VCL: variants seen among roughly 807,000 people sequenced by gnomAD.
VCL encodes the protein epididymis luminal protein 114.
A neutral mutation model predicts 125.7 loss-of-function variants in VCL; 47 were observed. The observed-to-expected ratio is 0.37, with a 90% confidence interval of 0.30 to 0.48. The LOEUF is 0.48. Ranked by LOEUF, VCL falls within the 20% of genes least tolerant of loss-of-function variation. VCL has a pLI of 0.99. For synonymous variants in VCL, 458 were observed against 514.6 expected (o/e 0.89, Z 1.49); for missense variants, 1,069 against 1,455.5 (o/e 0.73, Z 4.32).
intron 1 of VCL, among the ~76,000 whole-genome samples, chr10:74,015,691 CT>C (rs575847807): frequency 1.2e-3 from 166 of 143,902 alleles, no homozygotes; most frequent in African/African-American, 1.0e-3. Flanking sequence ...CTTTCTTTTT[CT>C]TTTTTTTTTT....
intron 1 of VCL, among the ~76,000 whole-genome samples, chr10:74,025,313 G>A (rs191252671): frequency 1.3e-5 from 2 of 152,182 alleles, no homozygotes; most frequent in African/African-American, 4.8e-5. Context: ...ATGGTGCCTG[G>A]CCCCACTCTT....
intron 1 of VCL, among the ~76,000 whole-genome samples, chr10:74,039,839 T>C (rs1021234839): frequency 1.3e-5 from 2 of 152,188 alleles, no homozygotes; most frequent in Non-Finnish European, 2.9e-5. Context: ...CTGCCTCCTA[T>C]TGTACTGATA....
At chr10:74,025,504 C>T (rs538448839) in intron 1 of VCL, among the ~76,000 whole-genome samples, 1 of 151,692 alleles carries the variant, frequency 6.6e-6, no homozygotes, top group African/African-American at 2.4e-5. Flanking sequence ...GTTCCAGCTA[C>T]TCGGGAGGCT....
At position 74,090,095 on chromosome 10, in the gene VCL, A is replaced by G; in HGVS notation, c.1249A>G (p.Lys417Glu). The G allele has an allele frequency of 6.2e-7, 1 of 1,614,230 alleles. No individual in the cohort carries two copies. Among genetic ancestry groups the G allele is most frequent in the Non-Finnish European group, 8.5e-7 (1 of 1,180,034 alleles). Residue 417 changes from lysine to glutamate, a missense_variant, in exon 10 of 22, where the codon AAA becomes GAA. Physicochemically the swap from Lys to Glu is moderately conservative, Grantham distance 56. This residue lies in a region of VCL where 760 missense variants were observed against 928.9 expected (regional missense o/e 0.82). Coordinates refer to ENST00000211998, the MANE Select transcript of VCL (RefSeq NM_014000.3). ...TCGAGGTGCTTTGGCTGAAGCTCGG[A>G]AAATAGCAGAATTATGTGATGATCC... ...QIRGALAEARKIAELCDDPKE... is the reference protein window; with the variant it reads ...QIRGALAEAREIAELCDDPKE...
chr10:74,010,140 G>C (rs1182622886), intron 1 of VCL, among the ~76,000 whole-genome samples: 2 of 152,024 alleles, frequency 1.3e-5, no homozygotes, highest in Non-Finnish European at 2.9e-5. Context: ...GGCCAAGCTG[G>C]TCTCAAACTC....
intron 21 of VCL, 40 bp downstream of exon 21, chr10:74,114,939 T>C (rs1286348015): frequency 7.8e-6 from 12 of 1,536,638 alleles, no homozygotes; most frequent in Non-Finnish European, 1.1e-5. Flanking sequence ...TGGCAGCTTC[T>C]GTGCCGTTTT....
chr10:74,104,093 T>C (rs1591712364), intron 15 of VCL, among the ~76,000 whole-genome samples, 165 bp downstream of exon 15: 1 of 152,354 alleles, frequency 6.6e-6, no homozygotes, highest in African/African-American at 2.4e-5. Context: ...TGGCGGCTTC[T>C]CATTCAAGCC....
intron 2 of VCL, among the ~76,000 whole-genome samples, chr10:74,045,198 A>G (rs1338306730): frequency 6.6e-6 from 1 of 152,046 alleles, no homozygotes; most frequent in Non-Finnish European, 1.5e-5. Flanking sequence ...ATAAAAAGAC[A>G]AAAAAAGAGA....
intron 10 of VCL, among the ~76,000 whole-genome samples, chr10:74,091,986 G>T (rs1591703834): frequency 6.6e-6 from 1 of 151,984 alleles, no homozygotes; most frequent in East Asian, 1.9e-4. Flanking sequence ...TTGGCTCACT[G>T]CATCCTCCGC....
At chr10:74,073,670 G>A (rs1287530215) in intron 5 of VCL, among the ~76,000 whole-genome samples, 1 of 152,142 alleles carries the variant, frequency 6.6e-6, no homozygotes, top group Non-Finnish European at 1.5e-5. Flanking sequence ...CACCAGCTGG[G>A]ACTACCTTCC....
chr10:74,031,936 T>C (rs764139472), intron 1 of VCL, among the ~76,000 whole-genome samples: 2 of 151,660 alleles, frequency 1.3e-5, no homozygotes, highest in Non-Finnish European at 2.9e-5. Flanking sequence ...TGGTGGTGCG[T>C]GCCTGTAATC....
At chr10:74,014,987 G>A (rs766059709) in intron 1 of VCL, among the ~76,000 whole-genome samples, 20 of 152,094 alleles carry the variant, frequency 1.3e-4, no homozygotes, top group Non-Finnish European at 2.9e-4. Context: ...ATGCCCAGCA[G>A]CTTATCAAAT....
chr10:74,007,003 C>A (rs1020520720), intron 1 of VCL, among the ~76,000 whole-genome samples: 1 of 152,068 alleles, frequency 6.6e-6, no homozygotes, highest in Non-Finnish European at 1.5e-5. Flanking sequence ...TCTTGCTCTG[C>A]TGCTCAGGCT....
intron 8 of VCL, among the ~76,000 whole-genome samples, chr10:74,084,264 C>A (rs921848544): frequency 1.3e-5 from 2 of 148,220 alleles, no homozygotes; most frequent in African/African-American, 2.5e-5. Context: ...CCTGGCCTGA[C>A]TTTATTTAAA....
intron 16 of VCL, 148 bp from the exon 17 acceptor site, chr10:74,107,082 T>C: frequency 7.6e-7 from 1 of 1,321,554 alleles, no homozygotes. Flanking sequence ...TGCCTTGTCC[T>C]GCCTCCCCCC....
At chr10:74,030,327 T>G (rs750018399) in intron 1 of VCL, among the ~76,000 whole-genome samples, 72 of 152,234 alleles carry the variant, frequency 4.7e-4, no homozygotes, top group Non-Finnish European at 9.7e-4. Context: ...CTTTTTAATG[T>G]GAAATTTCTC....
In VCL at chr10:74,109,155, A is replaced by G; in HGVS notation, c.2744A>G (p.Lys915Arg). ...LHDEARKWSSKPGIPAAEVGI... is the reference protein window; with the variant it reads ...LHDEARKWSSRPGIPAAEVGI... ...GATGAAGCTCGCAAATGGTCCAGCA[A>G]GGTAAGTAGTGAAGCTTTTCTTGTT... is the stretch of plus-strand genomic sequence containing the variant. The change falls in exon 18 of 22, where the codon AAG becomes AGG. Residue 915 changes from lysine (K) to arginine (R), a missense_variant and splice_region_variant. By Grantham distance (26) the Lys-to-Arg change is conservative. Around this residue, in one of 6 missense-constraint regions of VCL, gnomAD observed 86 missense variants for 91.0 expected, o/e 0.95. Coordinates refer to ENST00000211998, the MANE Select transcript of VCL (RefSeq NM_014000.3). 6.2e-7 allele frequency: 1 copy of G among 1,614,078 alleles called. No individual in the cohort carries two copies. Among genetic ancestry groups the G allele is most frequent in the East Asian group, 2.2e-5 (1 of 44,874 alleles).
chr10:74,002,714 T>G (rs1178487767), intron 1 of VCL, among the ~76,000 whole-genome samples: 1 of 151,176 alleles, frequency 6.6e-6, no homozygotes, highest in Non-Finnish European at 1.5e-5. Flanking sequence ...AAACCCCGTC[T>G]CTACTAAAAA....
In VCL at chr10:74,009,221, C is replaced by A. The variant is rs975055531; in HGVS notation, c.168+10846C>A. On this transcript the variant is annotated intron_variant, in intron 1 of 21. Transcript: ENST00000211998. Reference sequence around the variant, plus strand: ...TGTCTAGGTGGCTGCTGCTTTCCCCCCCCCCCCCCGAGCCATTTTAGTATT... The same window carrying A: ...TGTCTAGGTGGCTGCTGCTTTCCCCACCCCCCCCCGAGCCATTTTAGTATT... 2.1e-4 allele frequency among the ~76,000 whole-genome samples: 24 copies of A among 112,312 alleles called. 3 individuals carry two copies. Among genetic ancestry groups the A allele is most frequent in the African/African-American group, 3.6e-4 (10 of 27,426 alleles). The allele number at this position is 112,312 out of a possible 152,430, so 73.7% of individuals were successfully genotyped here. A position where few individuals can be genotyped will look rare whatever the true frequency, so the allele number is the denominator to read the frequency against.
Sources: gnomAD v4.1 joint callset for allele counts (sites outside exome capture counted in the v4.1 genomes callset) on GRCh38, gnomAD v4.1.1 for gene constraint, gnomAD v4.1.1 regional missense constraint, MANE v1.5 for transcripts, NCBI Gene and HGNC (gene_info 2026-07-23, HGNC 2026-07-21) for gene names.